Variants in CSMD1 observed in about 807,000 individuals in gnomAD.
CSMD1 encodes CUB and sushi domain-containing protein 1.
Under a neutral mutation model 417.5 loss-of-function variants are expected in CSMD1, and 213 were observed. That is an observed-to-expected ratio of 0.51 (90% CI 0.46 to 0.57). The LOEUF is 0.57. CSMD1 is among the 20% of genes least tolerant of loss of function. The pLI, the probability that CSMD1 is intolerant of heterozygous loss-of-function variation, is 0.00. For missense variants in CSMD1, 6,923 were observed against 4,529.7 expected (o/e 1.53, Z -15.17); for synonymous variants, 2,862 against 1,736.8 (o/e 1.65, Z -16.11).
At chr8:4,603,138 C>T (rs1021030895) in intron 2 of CSMD1, among the ~76,000 whole-genome samples, 7 of 151,862 alleles carry the variant, frequency 4.6e-5, no homozygotes, top group Non-Finnish European at 1.0e-4. Context: ...TTTATGGAGA[C>T]ATAGCTATAT....
At chr8:3,973,196 G>A (rs541596423) in intron 5 of CSMD1, among the ~76,000 whole-genome samples, 1 of 152,296 alleles carries the variant, frequency 6.6e-6, no homozygotes, top group African/African-American at 2.4e-5. Context: ...CTTAAATGGT[G>A]GTGCTGCATG....
intron 7 of CSMD1, among the ~76,000 whole-genome samples, chr8:3,651,390 G>A (rs915527681): frequency 3.3e-5 from 5 of 152,000 alleles, no homozygotes; most frequent in Admixed American, 2.6e-4. Context: ...TTCACAATAT[G>A]GAAGCCATGG....
At chr8:4,687,044 A>G (rs1188236910) in intron 1 of CSMD1, among the ~76,000 whole-genome samples, 10 of 152,196 alleles carry the variant, frequency 6.6e-5, no homozygotes. Flanking sequence ...CACCCATGGC[A>G]GATGTCTTCT....
intron 23 of CSMD1, among the ~76,000 whole-genome samples, chr8:3,339,546 T>C (rs6988988): frequency 0.019 from 2,860 of 152,284 alleles, 90 homozygotes; most frequent in African/African-American, 0.065. Flanking sequence ...GCCAGTTCCG[T>C]AATTTGAAAT....
chr8:4,875,960 T>G (rs1399397113), intron 1 of CSMD1, among the ~76,000 whole-genome samples: 2 of 152,120 alleles, frequency 1.3e-5, no homozygotes, highest in Non-Finnish European at 2.9e-5. Context: ...GAGATGCTAT[T>G]TTTCACATTT....
chr8:3,676,274 T>C (rs1471771564), intron 7 of CSMD1, among the ~76,000 whole-genome samples: 3 of 152,158 alleles, frequency 2.0e-5, no homozygotes, highest in Non-Finnish European at 4.4e-5. Context: ...CCCTAAGTAT[T>C]TACCAACTCT....
At chr8:3,785,664 C>T (rs1183178773) in intron 5 of CSMD1, among the ~76,000 whole-genome samples, 2 of 152,042 alleles carry the variant, frequency 1.3e-5, no homozygotes, top group African/African-American at 4.8e-5. Flanking sequence ...TTGGCATCGC[C>T]CTGAGGGTGA....
Position 3,622,587 on chromosome 8 carries a change from T to C in CSMD1, c.1010-5790A>G, listed in dbSNP as rs146131544. On this transcript the variant is annotated intron_variant, in intron 7 of 69. Coordinates refer to ENST00000635120, the MANE Select transcript of CSMD1 (RefSeq NM_033225.6). ...CTAAAAAAAGGTTACTTAGTTGGAA[T>C]TCTGTGAAGGCGCAAAATGATTTAG... is the stretch of plus-strand genomic sequence containing the variant. 1.2e-4 allele frequency among the ~76,000 whole-genome samples: 19 copies of C among 152,364 alleles called. 1 individual carries two copies. The East Asian group carries it at 3.5e-3, about 28-fold the overall frequency.
At chr8:3,267,922 AG>A (rs1164032391) in intron 26 of CSMD1, among the ~76,000 whole-genome samples, 6 of 152,082 alleles carry the variant, frequency 3.9e-5, no homozygotes, top group African/African-American at 1.2e-4. Flanking sequence ...AGGGCAGCAG[AG>A]GGCAGAGCCT....
chr8:3,628,808 C>T (rs1003530521), intron 7 of CSMD1, among the ~76,000 whole-genome samples: 7 of 152,036 alleles, frequency 4.6e-5, no homozygotes, highest in Non-Finnish European at 8.8e-5. Context: ...CACACGTGTC[C>T]GAGCCAAGAA....
chr8:4,275,451 T>C (rs1031244091), intron 3 of CSMD1, among the ~76,000 whole-genome samples: 1 of 152,170 alleles, frequency 6.6e-6, no homozygotes, highest in Admixed American at 6.6e-5. Context: ...ATGGCCTTTA[T>C]TTAAAATTTT....
intron 10 of CSMD1, among the ~76,000 whole-genome samples, chr8:3,531,869 T>C (rs1797996041): frequency 6.6e-6 from 1 of 152,126 alleles, no homozygotes; most frequent in Non-Finnish European, 1.5e-5. Context: ...CGGTCCACCA[T>C]GGGGCCCCAC....
rs923470648 is a variant in CSMD1 at position 3,787,275 on chromosome 8, C to G, written c.819-33233G>C. ...GAAAAAACTTGTGAGTTGTGAAAAA[C>G]CATAATCAATTTTAGAAAATTGATT... On this transcript the variant is annotated intron_variant, in intron 5 of 69. Coordinates refer to ENST00000635120, the MANE Select transcript of CSMD1 (RefSeq NM_033225.6). Among the ~76,000 whole-genome samples the G allele has an allele frequency of 3.2e-4, 49 of 152,006 alleles. 1 individual carries two copies. Among genetic ancestry groups the G allele is most frequent in the African/African-American group, 1.2e-3 (49 of 41,376 alleles).
chr8:3,850,951 G>C (rs1048073052), intron 5 of CSMD1, among the ~76,000 whole-genome samples: 3 of 152,088 alleles, frequency 2.0e-5, no homozygotes, highest in Admixed American at 1.3e-4. Flanking sequence ...CTTTTAACTT[G>C]TTGTTATATA....
chr8:3,452,459 T>C (rs893526450), intron 12 of CSMD1, among the ~76,000 whole-genome samples: 1 of 152,218 alleles, frequency 6.6e-6, no homozygotes, highest in Non-Finnish European at 1.5e-5. Context: ...GGGTTTGTCA[T>C]AGATAGGTTT....
At chr8:3,472,896 T>C (rs1221006839) in intron 11 of CSMD1, among the ~76,000 whole-genome samples, 2 of 152,098 alleles carry the variant, frequency 1.3e-5, no homozygotes, top group African/African-American at 4.8e-5. Context: ...TGGGGGAGTT[T>C]ATTTTCCTCG....
chr8:4,652,072 T>C (rs1803931917), intron 1 of CSMD1, among the ~76,000 whole-genome samples: 1 of 152,176 alleles, frequency 6.6e-6, no homozygotes, highest in East Asian at 1.9e-4. Context: ...AGAACTTGAA[T>C]TGTCAAATCT....
chr8:4,975,850 T>C (rs533772922), intron 1 of CSMD1, among the ~76,000 whole-genome samples: 2 of 152,290 alleles, frequency 1.3e-5, no homozygotes, highest in African/African-American at 2.4e-5. Flanking sequence ...CAGATACTAC[T>C]TATGAAACTC....
intron 6 of CSMD1, among the ~76,000 whole-genome samples, chr8:3,713,747 C>A (rs1451404311): frequency 6.6e-6 from 1 of 152,174 alleles, no homozygotes; most frequent in Admixed American, 6.5e-5. Context: ...TGAGGAGATG[C>A]CATTGCAAAT....
Sources: allele counts gnomAD v4.1 joint callset (sites outside exome capture counted in the v4.1 genomes callset), GRCh38; gene constraint gnomAD v4.1.1; transcripts MANE v1.5; gene names NCBI Gene and HGNC (gene_info 2026-07-23, HGNC 2026-07-21).